The following MED13L variants were observed in gnomAD, a reference collection of about 807,000 sequenced individuals.
The protein encoded by MED13L is mediator of RNA polymerase II transcription subunit 13-like.
In MED13L, 7 loss-of-function variants were observed where a neutral mutation model predicts 220.9. The observed-to-expected ratio is 0.03, with a 90% CI of 0.02 to 0.06. The LOEUF is 0.06. MED13L is among the 10% of genes least tolerant of loss of function. The pLI, the probability that MED13L is intolerant of heterozygous loss-of-function variation, is 1.00. For missense variants in MED13L, 1,965 were observed against 2,760.5 expected (o/e 0.71, Z 6.46); for synonymous variants, 1,011 against 1,015.2 (o/e 1.00, Z 0.08).
chr12:116,204,050 T>C (rs1273329641), intron 2 of MED13L, among the ~76,000 whole-genome samples: 1 of 152,228 alleles, frequency 6.6e-6, no homozygotes, highest in East Asian at 1.9e-4. Context: ...AATATGCATT[T>C]CTTTGAAATG....
Position 116,191,024 on chromosome 12 carries a change from GGAGGTTGCAGTGAGCA to G in MED13L, c.310+46428_310+46443del, listed in dbSNP as rs551018639. Among the ~76,000 whole-genome samples, 35 of 151,564 alleles carry G rather than the reference GGAGGTTGCAGTGAGCA, an allele frequency of 2.3e-4. 1 individual carries two copies. In the South Asian group the frequency reaches 7.3e-3, roughly 32 times the overall value. On this transcript the variant is annotated intron_variant, in intron 2 of 30. Transcript: ENST00000281928. The stretch of plus-strand genomic sequence containing the variant: ...GAAGAAGTGCTTGAACCCAGGAGGC[GGAGGTTGCAGTGAGCA>G]GAGGTTGCACAACTGCACTCCAGCC...
chr12:115,961,796 C>A lies in MED13L; in HGVS notation c.6501-398G>T, dbSNP rs537654698. ...AGACCAGGTGGCCAACATGGTGAAA[C>A]CCCATCTCTATTAAAAATACAAAAA... On this transcript the variant is annotated intron_variant, in intron 30 of 30. Transcript: ENST00000281928. Among the ~76,000 whole-genome samples the A allele has an allele frequency of 2.3e-3, 344 of 152,102 alleles. 1 individual carries two copies. The highest frequency in any genetic ancestry group is 4.3e-3 in the Non-Finnish European group (295 of 67,976).
At chr12:116,217,355 A>G (rs1056287402) in intron 2 of MED13L, among the ~76,000 whole-genome samples, 2 of 152,228 alleles carry the variant, frequency 1.3e-5, no homozygotes, top group African/African-American at 4.8e-5. Flanking sequence ...GAAGAGATTA[A>G]TGACTAAGTA....
chr12:116,277,412 C>CGCT lies in MED13L; in HGVS notation c.-284_-282dup, dbSNP rs1448786122. 1.4e-4 allele frequency: 2 copies of CGCT among 14,344 alleles called. No homozygotes were observed. Among genetic ancestry groups the CGCT allele is most frequent in the Admixed American group, 2.9e-3 (2 of 684 alleles). 0.9% of individuals were successfully genotyped at this position (14,344 alleles called of 1,614,324 possible). ...CCTGCTCCTCAGCCGCCGCCGCCGCCGCTGCTGCCGCTGCCGCCGCCTTGT... is the reference window on the plus strand; with the variant it reads ...CCTGCTCCTCAGCCGCCGCCGCCGCCGCTGCTGCTGCCGCTGCCGCCGCCTTGT... On this transcript the variant is annotated 5_prime_UTR_variant, in exon 1 of 31. Transcript: ENST00000281928.
intron 1 of MED13L, among the ~76,000 whole-genome samples, chr12:116,261,610 A>G (rs1489330825): frequency 2.0e-5 from 3 of 152,222 alleles, no homozygotes; most frequent in Non-Finnish European, 4.4e-5. Context: ...TTTAAAAGCA[A>G]GAACCCAGGC....
chr12:116,083,708 T>C (rs1359421038), intron 4 of MED13L, among the ~76,000 whole-genome samples: 1 of 152,170 alleles, frequency 6.6e-6, no homozygotes, highest in Non-Finnish European at 1.5e-5. Flanking sequence ...ATTCTTGGGC[T>C]AAAAATTTAG....
chr12:116,033,469 G>A (rs905400614), intron 4 of MED13L, among the ~76,000 whole-genome samples: 10 of 152,112 alleles, frequency 6.6e-5, no homozygotes, highest in Non-Finnish European at 1.5e-4. Context: ...TTCACTGGGT[G>A]CCTTATTTTC....
At chr12:116,214,860 C>A (rs1487524922) in intron 2 of MED13L, among the ~76,000 whole-genome samples, 1 of 152,146 alleles carries the variant, frequency 6.6e-6, no homozygotes, top group East Asian at 1.9e-4. Flanking sequence ...ACATAATAAT[C>A]TTTGTTGCCT....
chr12:116,189,936 G>A (rs570178754), intron 2 of MED13L, among the ~76,000 whole-genome samples: 3 of 151,960 alleles, frequency 2.0e-5, no homozygotes, highest in Non-Finnish European at 2.9e-5. Flanking sequence ...TGTTTTTTTG[G>A]GGGGAGGGGA....
At chr12:115,985,597 C>T (rs1310078724) in intron 19 of MED13L, among the ~76,000 whole-genome samples, 1 of 152,134 alleles carries the variant, frequency 6.6e-6, no homozygotes, top group Non-Finnish European at 1.5e-5. Context: ...GAACTTAGTG[C>T]ATATATACTT....
intron 3 of MED13L, among the ~76,000 whole-genome samples, chr12:116,106,771 G>GA (rs1246982094): frequency 6.6e-6 from 1 of 151,076 alleles, no homozygotes; most frequent in African/African-American, 2.4e-5. Flanking sequence ...GCTTGAAACC[G>GA]AGAGGCAGAG....
intron 25 of MED13L, among the ~76,000 whole-genome samples, 178 bp downstream of exon 25, chr12:115,974,989 ATATT>A (rs1335668979): frequency 4.6e-5 from 7 of 152,238 alleles, no homozygotes; most frequent in East Asian, 1.9e-4. Context: ...TTTTATTTGG[ATATT>A]TATTTTGTTG....
At chr12:115,996,795 TCTC>T in intron 15 of MED13L, 114 bp from the exon 16 acceptor site, 1 of 1,085,858 alleles carries the variant, frequency 9.2e-7, no homozygotes, top group Non-Finnish European at 1.4e-6. Flanking sequence ...TCAGTATTTC[TCTC>T]CTATGATCAT....
intron 1 of MED13L, 41 bp downstream of exon 1, chr12:116,277,019 C>CG (rs1565964206): frequency 4.9e-6 from 7 of 1,418,198 alleles, no homozygotes; most frequent in Non-Finnish European, 6.8e-6. Flanking sequence ...GACCCCCCCC[C>CG]TTCCCCGGCA....
At chr12:116,051,597 A>C (rs1868514966) in intron 4 of MED13L, among the ~76,000 whole-genome samples, 1 of 152,256 alleles carries the variant, frequency 6.6e-6, no homozygotes, top group East Asian at 1.9e-4. Context: ...ATTTTGGAAT[A>C]TCTGCATACA....
chr12:116,193,416 C>A (rs1172487696), intron 2 of MED13L, among the ~76,000 whole-genome samples: 1 of 152,064 alleles, frequency 6.6e-6, no homozygotes, highest in Non-Finnish European at 1.5e-5. Flanking sequence ...GTCTTAGGAA[C>A]AAAACATCTA....
chr12:116,102,697 CTTTTTCTTTTTTCTTTTTTTTT>C (rs1234492079), intron 3 of MED13L, among the ~76,000 whole-genome samples: 12 of 73,274 alleles, frequency 1.6e-4, no homozygotes, highest in African/African-American at 5.4e-4. Flanking sequence ...TTTTCTTTTT[CTTTTTCTTTTTTCTTTTTTTTT>C]TTTTTTTTTT....
chr12:116,222,294 C>T (rs1429371611), intron 2 of MED13L, among the ~76,000 whole-genome samples: 3 of 152,152 alleles, frequency 2.0e-5, no homozygotes, highest in African/African-American at 4.8e-5. Flanking sequence ...TGCAATGACA[C>T]GTCACAGAAG....
At chr12:116,200,443 C>A (rs1466761319) in intron 2 of MED13L, among the ~76,000 whole-genome samples, 1 of 152,032 alleles carries the variant, frequency 6.6e-6, no homozygotes, top group Admixed American at 6.6e-5. Flanking sequence ...TTTGAAACTT[C>A]AAGAAAAACA....
Sources: gnomAD v4.1 joint callset for allele counts (sites outside exome capture counted in the v4.1 genomes callset) on GRCh38, gnomAD v4.1.1 for gene constraint, MANE v1.5 for transcripts, NCBI Gene and HGNC (gene_info 2026-07-23, HGNC 2026-07-21) for gene names.